The following XKR4 variants were observed in gnomAD, a reference collection of about 807,000 sequenced individuals.
XKR4 encodes XK-related protein 4.
Under a neutral mutation model 53.9 loss-of-function variants are expected in XKR4, and 12 were observed. The ratio of observed to expected loss-of-function variants is 0.22; its 90% CI spans 0.14 to 0.36. The LOEUF (loss-of-function observed/expected upper bound fraction) is 0.36, where lower values mean the gene tolerates loss of function less well. Among genes scored for constraint, XKR4 ranks in the 10% least tolerant of loss-of-function variants. XKR4 has a pLI of 1.00. For synonymous variants in XKR4, 354 were observed against 362.4 expected (o/e 0.98, Z 0.26); for missense variants, 799 against 859.5 (o/e 0.93, Z 0.88).
intron 1 of XKR4, among the ~76,000 whole-genome samples, chr8:55,175,486 A>G (rs1266714887): frequency 2.0e-5 from 3 of 152,232 alleles, no homozygotes; most frequent in African/African-American, 7.2e-5. Context: ...TTTATAATTG[A>G]ATATTCCTGC....
chr8:55,477,066 T>C (rs1213838514), intron 2 of XKR4, among the ~76,000 whole-genome samples: 1 of 151,534 alleles, frequency 6.6e-6, no homozygotes, highest in African/African-American at 2.4e-5. Context: ...AGCACGCAGC[T>C]TGAGATCTGA....
chr8:55,529,480 T>C lies in XKR4; in HGVS notation c.*5253T>C, dbSNP rs1178538557. 1.3e-5 allele frequency: 2 copies of C among 152,202 alleles called. No homozygotes were observed. The highest frequency in any genetic ancestry group is 2.9e-5 in the Non-Finnish European group (2 of 68,038). 9.4% of individuals were successfully genotyped at this position (152,202 alleles called of 1,614,324 possible). A position where few individuals can be genotyped will look rare whatever the true frequency, so the allele number is the denominator to read the frequency against. On this transcript the variant is annotated 3_prime_UTR_variant, in exon 3 of 3. Transcript: ENST00000327381. ...ATTGAGAGTAGCTCACCACGATGGATGGTTTACTGCGCACCTAGTGCTGGA... is the reference window on the plus strand; with the variant it reads ...ATTGAGAGTAGCTCACCACGATGGACGGTTTACTGCGCACCTAGTGCTGGA...
intron 1 of XKR4, among the ~76,000 whole-genome samples, chr8:55,223,365 A>G (rs935077280): frequency 6.6e-6 from 1 of 152,334 alleles, no homozygotes; most frequent in South Asian, 2.1e-4. Flanking sequence ...ATTAGTTAAT[A>G]TCCTGTTTTG....
At chr8:55,450,996 T>C in intron 2 of XKR4, 1 of 540,972 alleles carries the variant, frequency 1.8e-6, no homozygotes, top group Admixed American at 2.4e-5. Context: ...GACACATGCC[T>C]TCAGCAGCTT....
At position 55,507,354 on chromosome 8, in the gene XKR4, A is replaced by AT. The variant is rs61291206; in HGVS notation, c.1007-15918dup. Among the ~76,000 whole-genome samples the AT allele has an allele frequency of 4.2e-3, 628 of 151,230 alleles. 2 individuals carry two copies. The highest frequency in any genetic ancestry group is 6.3e-3 in the African/African-American group (259 of 41,208). On this transcript the variant is annotated intron_variant, in intron 2 of 2. Coordinates refer to ENST00000327381, the MANE Select transcript of XKR4 (RefSeq NM_052898.2). ...TCTTTTTTTTTATTATTACTGTTGG[A>AT]TTTTTTTTTATTATACTTTAAGTTT...
chr8:55,354,445 A>T (rs937766653), intron 1 of XKR4, among the ~76,000 whole-genome samples: 2 of 152,188 alleles, frequency 1.3e-5, no homozygotes, highest in Admixed American at 6.5e-5. Flanking sequence ...ACCGCAAAAG[A>T]TGAGAGAGAA....
chr8:55,217,052 C>T (rs1251083556), intron 1 of XKR4, among the ~76,000 whole-genome samples: 1 of 151,766 alleles, frequency 6.6e-6, no homozygotes, highest in Admixed American at 6.6e-5. Context: ...ACCATCCTGG[C>T]CAACATGGTG....
intron 2 of XKR4, chr8:55,452,667 C>T (rs973165310): frequency 1.4e-6 from 2 of 1,432,292 alleles, no homozygotes; most frequent in African/African-American, 2.8e-5. Flanking sequence ...GGTGACCCCA[C>T]TCTCTGTGCA....
At chr8:55,284,537 C>T (rs892839125) in intron 1 of XKR4, among the ~76,000 whole-genome samples, 3 of 152,142 alleles carry the variant, frequency 2.0e-5, no homozygotes, top group African/African-American at 7.2e-5. Context: ...GCCTCAGTTG[C>T]CCACCACATG....
chr8:55,504,187 T>TTTTTGTTTTGTTTTGTTTTG (rs34175312), intron 2 of XKR4, among the ~76,000 whole-genome samples: 1 of 145,898 alleles, frequency 6.9e-6, no homozygotes, highest in Admixed American at 6.9e-5. Context: ...GTTGTTGTTG[T>TTTTTGTTTTGTTTTGTTTTG]TTTTGTTTTG....
intron 1 of XKR4, among the ~76,000 whole-genome samples, chr8:55,125,219 GTTTTTC>G (rs1045961942): frequency 1.3e-5 from 2 of 151,992 alleles, no homozygotes; most frequent in African/African-American, 4.8e-5. Context: ...TAACTTGCTG[GTTTTTC>G]TTTTCTTTTT....
At chr8:55,398,561 C>T (rs968869719) in intron 2 of XKR4, among the ~76,000 whole-genome samples, 2 of 152,124 alleles carry the variant, frequency 1.3e-5, no homozygotes, top group East Asian at 1.9e-4. Flanking sequence ...TGGAGGAGGG[C>T]GTGTTCATCT....
chr8:55,275,794 G>A (rs938774680), intron 1 of XKR4, among the ~76,000 whole-genome samples: 2 of 152,092 alleles, frequency 1.3e-5, no homozygotes, highest in Non-Finnish European at 2.9e-5. Context: ...ATTAGTCCAG[G>A]TCACCTGGAA....
At chr8:55,193,160 C>G (rs139303694) in intron 1 of XKR4, among the ~76,000 whole-genome samples, 2 of 89,664 alleles carry the variant, frequency 2.2e-5, no homozygotes, top group Non-Finnish European at 5.4e-5. Context: ...CCCCCCATTA[C>G]CCGTCGAACT....
chr8:55,371,314 G>A (rs1804067197), intron 2 of XKR4, among the ~76,000 whole-genome samples: 1 of 152,042 alleles, frequency 6.6e-6, no homozygotes, highest in Non-Finnish European at 1.5e-5. Flanking sequence ...AGCAATGCTG[G>A]TGATCAGTCT....
At chr8:55,145,254 A>G (rs1816757101) in intron 1 of XKR4, among the ~76,000 whole-genome samples, 1 of 151,682 alleles carries the variant, frequency 6.6e-6, no homozygotes, top group Non-Finnish European at 1.5e-5. Flanking sequence ...ATTTTAATCC[A>G]CTCACACGCT....
intron 1 of XKR4, among the ~76,000 whole-genome samples, chr8:55,138,843 T>C (rs1246320296): frequency 2.0e-5 from 3 of 152,144 alleles, no homozygotes; most frequent in African/African-American, 7.2e-5. Context: ...TGATGTTGGT[T>C]ATGAAGGACC....
intron 2 of XKR4, among the ~76,000 whole-genome samples, chr8:55,497,189 C>T (rs58169460): frequency 0.053 from 8,025 of 152,238 alleles, 594 homozygotes; most frequent in East Asian, 0.28. Context: ...AACAAACTGC[C>T]ATTTCCCTAT....
chr8:55,367,167 A>C (rs1804001249), intron 2 of XKR4, among the ~76,000 whole-genome samples: 1 of 152,146 alleles, frequency 6.6e-6, no homozygotes, highest in Admixed American at 6.5e-5. Context: ...TCTACATGTG[A>C]TCACTATTTG....
Sources: gnomAD v4.1 joint callset for allele counts (sites outside exome capture counted in the v4.1 genomes callset) on GRCh38, gnomAD v4.1.1 for gene constraint, MANE v1.5 for transcripts, NCBI Gene and HGNC (gene_info 2026-07-23, HGNC 2026-07-21) for gene names.